FBXL13: variants seen among roughly 807,000 people sequenced by gnomAD.
The protein encoded by FBXL13 is F-box and leucine rich repeat protein 13, also known as F-box and leucine-rich repeat protein 13.
Under a neutral mutation model 83.6 loss-of-function variants are expected in FBXL13, and 67 were observed. The ratio of observed to expected loss-of-function variants is 0.80; its 90% CI spans 0.66 to 0.98. The LOEUF (loss-of-function observed/expected upper bound fraction) is 0.98, where lower values mean the gene tolerates loss of function less well. Ranked by LOEUF, FBXL13 falls within the 50% of genes least tolerant of loss-of-function variation. FBXL13 has a pLI of 0.00. For missense variants in FBXL13, 822 were observed against 866.5 expected (o/e 0.95, Z 0.64); for synonymous variants, 272 against 299.5 (o/e 0.91, Z 0.95).
intron 1 of FBXL13, among the ~76,000 whole-genome samples, chr7:103,065,547 T>C (rs766618721): frequency 2.0e-5 from 3 of 152,200 alleles, no homozygotes; most frequent in Non-Finnish European, 4.4e-5. Flanking sequence ...GAACAATTTA[T>C]TCTATCTCAT....
At chr7:103,004,464 T>G (rs2129485871) in intron 6 of FBXL13, among the ~76,000 whole-genome samples, 1 of 152,186 alleles carries the variant, frequency 6.6e-6, no homozygotes, top group East Asian at 1.9e-4. Context: ...ACACTCTGAT[T>G]TAGTGTCTCC....
At chr7:103,060,020 T>TTTTA (rs1327615757) in intron 1 of FBXL13, among the ~76,000 whole-genome samples, 29 of 50,070 alleles carry the variant, frequency 5.8e-4, no homozygotes, top group South Asian at 2.1e-3. Flanking sequence ...GCAAGATATT[T>TTTTA]TATATATATA....
intron 10 of FBXL13, among the ~76,000 whole-genome samples, chr7:102,916,422 G>A (rs1190738895): frequency 6.6e-6 from 1 of 152,128 alleles, no homozygotes; most frequent in Non-Finnish European, 1.5e-5. Context: ...TAGACTAAGT[G>A]ACTCCTGGAT....
intron 11 of FBXL13, among the ~76,000 whole-genome samples, chr7:102,900,213 T>C (rs572007746): frequency 2.0e-5 from 3 of 152,318 alleles, no homozygotes; most frequent in Admixed American, 2.0e-4. Flanking sequence ...ATTTTTCCTG[T>C]TTTTGGACAA....
chr7:102,846,060 G>C (rs542511117), intron 17 of FBXL13, among the ~76,000 whole-genome samples: 1 of 152,206 alleles, frequency 6.6e-6, no homozygotes, highest in South Asian at 2.1e-4. Flanking sequence ...TCATAAAGTA[G>C]GAAATTAATA....
chr7:102,986,368 C>T (rs1363873236), intron 6 of FBXL13, among the ~76,000 whole-genome samples: 3 of 152,172 alleles, frequency 2.0e-5, no homozygotes, highest in Non-Finnish European at 2.9e-5. Context: ...GTGCCACATT[C>T]CCATGTAGAC....
chr7:102,843,507 G>C (rs938916211), intron 17 of FBXL13, among the ~76,000 whole-genome samples: 4 of 152,130 alleles, frequency 2.6e-5, no homozygotes, highest in African/African-American at 7.2e-5. Flanking sequence ...GGGTACGGTG[G>C]CTCACGTCTG....
intron 8 of FBXL13, chr7:102,934,209 A>G (rs745478174): frequency 7.4e-6 from 12 of 1,614,140 alleles, no homozygotes; most frequent in Non-Finnish European, 1.0e-5. Context: ...TTGAAGAACA[A>G]CATGTTTTCC....
chr7:102,962,189 A>C (rs930231175), intron 8 of FBXL13, among the ~76,000 whole-genome samples: 1 of 151,596 alleles, frequency 6.6e-6, no homozygotes, highest in African/African-American at 2.4e-5. Flanking sequence ...ATGAACAGAC[A>C]CTTCTCAAAA....
intron 6 of FBXL13, among the ~76,000 whole-genome samples, chr7:103,015,429 C>T (rs1027864744): frequency 6.6e-6 from 1 of 152,260 alleles, no homozygotes; most frequent in Non-Finnish European, 1.5e-5. Flanking sequence ...TGATTCTATA[C>T]CTAGAAAACC....
intron 4 of FBXL13, 59 bp downstream of exon 5, chr7:103,028,540 GT>G (rs1220434413): frequency 6.2e-6 from 8 of 1,283,856 alleles, no homozygotes; most frequent in Non-Finnish European, 6.2e-6. Context: ...TTAACTGTTA[GT>G]TTTTTTATTA....
intron 6 of FBXL13, among the ~76,000 whole-genome samples, chr7:102,999,547 C>CT (rs1790173840): frequency 1.3e-5 from 2 of 152,154 alleles, no homozygotes; most frequent in Admixed American, 1.3e-4. Context: ...TCAGGTCTGG[C>CT]TTTCCTTTAA....
At position 102,969,486 on chromosome 7, in the gene FBXL13, G is replaced by C. The variant is rs541491252; in HGVS notation, c.496-1369C>G. 7.1e-5 allele frequency among the ~76,000 whole-genome samples: 10 copies of C among 141,720 alleles called. No homozygotes were observed. In the East Asian group the frequency reaches 1.6e-3, roughly 23 times the overall value. The allele number at this position is 141,720 out of a possible 152,430, so 93.0% of individuals were successfully genotyped here. A position where few individuals can be genotyped will look rare whatever the true frequency, so the allele number is the denominator to read the frequency against. ...CGTGACTGTAATTGAAACTGAGTCA[G>C]AAAAAAAAAAGAAAAGAGAGAGAGA... On this transcript the variant is annotated intron_variant, in intron 6 of 19. Transcript: ENST00000313221.
At chr7:102,821,296 G>T (rs1412057525) in intron 19 of FBXL13, among the ~76,000 whole-genome samples, 1 of 152,080 alleles carries the variant, frequency 6.6e-6, no homozygotes, top group African/African-American at 2.4e-5. Flanking sequence ...ACTCCAGCTG[G>T]CTGCCCTACC....
chr7:103,056,475 T>C (rs1367676507), intron 1 of FBXL13, among the ~76,000 whole-genome samples: 1 of 152,186 alleles, frequency 6.6e-6, no homozygotes, highest in Non-Finnish European at 1.5e-5. Flanking sequence ...TACTTTTTTT[T>C]TGAGCAGAGT....
intron 1 of FBXL13, among the ~76,000 whole-genome samples, chr7:103,071,749 T>C (rs985366882): frequency 2.6e-5 from 4 of 151,982 alleles, no homozygotes; most frequent in Non-Finnish European, 5.9e-5. Flanking sequence ...AATGATATTG[T>C]AGGTAGAAAA....
chr7:102,981,112 A>G (rs2129483419), intron 6 of FBXL13, among the ~76,000 whole-genome samples: 1 of 152,290 alleles, frequency 6.6e-6, no homozygotes, highest in Non-Finnish European at 1.5e-5. Context: ...TACTTGTAGG[A>G]TATTTTTGAA....
intron 6 of FBXL13, among the ~76,000 whole-genome samples, chr7:103,024,559 C>T (rs1294745771): frequency 6.9e-6 from 1 of 144,658 alleles, no homozygotes; most frequent in Non-Finnish European, 1.5e-5. Context: ...AAAATTCTGT[C>T]ACCAGAAGAC....
At chr7:102,991,996 T>G (rs1829616828) in intron 6 of FBXL13, among the ~76,000 whole-genome samples, 1 of 152,152 alleles carries the variant, frequency 6.6e-6, no homozygotes, top group Non-Finnish European at 1.5e-5. Context: ...TCACTCCAGA[T>G]ACTATGGGTC....
Sources: gnomAD v4.1 joint callset for allele counts (sites outside exome capture counted in the v4.1 genomes callset) on GRCh38, gnomAD v4.1.1 for gene constraint, MANE v1.5 for transcripts, NCBI Gene and HGNC (gene_info 2026-07-23, HGNC 2026-07-21) for gene names.